ZFPM2: variants seen among roughly 807,000 people sequenced by gnomAD.
ZFPM2 encodes zinc finger protein, FOG family member 2.
ZFPM2 carries 20 observed loss-of-function variants against 98.6 expected under a neutral mutation model. The ratio of observed to expected loss-of-function variants is 0.20; its 90% CI spans 0.14 to 0.29. The LOEUF (loss-of-function observed/expected upper bound fraction) is 0.29, where lower values mean the gene tolerates loss of function less well. Ranked by LOEUF, ZFPM2 falls within the 10% of genes least tolerant of loss-of-function variation. ZFPM2 has a pLI of 1.00. For missense variants in ZFPM2, 1,310 were observed against 1,388.6 expected (o/e 0.94, Z 0.90); for synonymous variants, 518 against 502.7 (o/e 1.03, Z -0.41).
chr8:105,612,545 A>G (rs1413529093), intron 4 of ZFPM2, among the ~76,000 whole-genome samples: 1 of 152,204 alleles, frequency 6.6e-6, no homozygotes, highest in Non-Finnish European at 1.5e-5. Flanking sequence ...ATCATTTCAC[A>G]CAAATTTTTT....
At chr8:105,326,887 C>A (rs1396775455) in intron 1 of ZFPM2, among the ~76,000 whole-genome samples, 2 of 150,572 alleles carry the variant, frequency 1.3e-5, no homozygotes, top group East Asian at 3.9e-4. Flanking sequence ...TAGACTATCA[C>A]AAAATATATA....
At chr8:105,320,210 G>C (rs1177797155) in intron 1 of ZFPM2, among the ~76,000 whole-genome samples, 1 of 151,648 alleles carries the variant, frequency 6.6e-6, no homozygotes, top group Admixed American at 6.6e-5. Context: ...TCCTTGAAAT[G>C]GGGGCCAGGT....
chr8:105,681,016 C>T (rs867772664), intron 5 of ZFPM2, among the ~76,000 whole-genome samples: 1 of 152,066 alleles, frequency 6.6e-6, no homozygotes. Context: ...GTAAGAAAAC[C>T]ACTAAAAGTG....
At chr8:105,682,016 ATGAC>A (rs1177750553) in intron 5 of ZFPM2, among the ~76,000 whole-genome samples, 1 of 152,206 alleles carries the variant, frequency 6.6e-6, no homozygotes, top group East Asian at 1.9e-4. Flanking sequence ...AATTAAATAA[ATGAC>A]TAAGTGAATA....
intron 5 of ZFPM2, among the ~76,000 whole-genome samples, chr8:105,687,843 T>C (rs571568343): frequency 6.6e-4 from 100 of 151,442 alleles, no homozygotes; most frequent in South Asian, 5.6e-3. Flanking sequence ...ATTAGGAACA[T>C]AAAAAGAACA....
intron 3 of ZFPM2, among the ~76,000 whole-genome samples, chr8:105,448,103 C>G (rs1054480719): frequency 6.6e-6 from 1 of 152,012 alleles, no homozygotes; most frequent in Non-Finnish European, 1.5e-5. Flanking sequence ...GAGTGAAAAG[C>G]TAGACACACT....
intron 3 of ZFPM2, among the ~76,000 whole-genome samples, chr8:105,558,702 A>G (rs1485935083): frequency 1.3e-5 from 2 of 152,158 alleles, no homozygotes; most frequent in Non-Finnish European, 2.9e-5. Context: ...GAGAGGATGA[A>G]TTACTTTTTT....
At chr8:105,401,799 A>G (rs1811346812) in intron 1 of ZFPM2, among the ~76,000 whole-genome samples, 1 of 152,160 alleles carries the variant, frequency 6.6e-6, no homozygotes, top group Non-Finnish European at 1.5e-5. Flanking sequence ...TTAAAATTAT[A>G]TTTAATTTCC....
intron 3 of ZFPM2, among the ~76,000 whole-genome samples, chr8:105,450,337 G>C (rs770353689): frequency 6.6e-6 from 1 of 152,074 alleles, no homozygotes; most frequent in Non-Finnish European, 1.5e-5. Context: ...GAAGATTACA[G>C]TTCTGATTTC....
rs371623195 is a variant in ZFPM2 at position 105,484,438 on chromosome 8, T to C, written c.301+40057T>C. Among the ~76,000 whole-genome samples the C allele has an allele frequency of 5.0e-3, 762 of 152,270 alleles. 3 individuals carry two copies. The highest frequency in any genetic ancestry group is 0.018 in the South Asian group (87 of 4,822). The stretch of plus-strand genomic sequence containing the variant: ...TTTTCTAATTGGACTTCAGTTTTAA[T>C]AGTGATTTGTTATACCCTTATGGAT... On this transcript the variant is annotated intron_variant, in intron 3 of 7. Coordinates refer to ENST00000407775, the MANE Select transcript of ZFPM2 (RefSeq NM_012082.4).
At chr8:105,396,183 G>A (rs529700579) in intron 1 of ZFPM2, among the ~76,000 whole-genome samples, 11 of 152,270 alleles carry the variant, frequency 7.2e-5, no homozygotes, top group African/African-American at 2.6e-4. Flanking sequence ...AAACAAAGAA[G>A]GAACAAAAGA....
chr8:105,754,317 A>G (rs1812546295), intron 5 of ZFPM2, among the ~76,000 whole-genome samples: 1 of 152,192 alleles, frequency 6.6e-6, no homozygotes, highest in Non-Finnish European at 1.5e-5. Flanking sequence ...ATATTCAACT[A>G]TAAGTCTATA....
chr8:105,346,909 A>G (rs1432869383), intron 1 of ZFPM2, among the ~76,000 whole-genome samples: 5 of 152,150 alleles, frequency 3.3e-5, no homozygotes, highest in Non-Finnish European at 7.3e-5. Context: ...CACTCAGTAA[A>G]TGCTAGTCAG....
intron 5 of ZFPM2, among the ~76,000 whole-genome samples, chr8:105,700,073 C>T (rs1296192483): frequency 6.6e-6 from 1 of 152,042 alleles, no homozygotes. Context: ...ATCATTTTAA[C>T]CTTGGAATAC....
At chr8:105,466,175 C>A (rs1812792824) in intron 3 of ZFPM2, among the ~76,000 whole-genome samples, 1 of 151,792 alleles carries the variant, frequency 6.6e-6, no homozygotes, top group Non-Finnish European at 1.5e-5. Flanking sequence ...TTTCCTTTGC[C>A]AAACTAATTT....
intron 5 of ZFPM2, among the ~76,000 whole-genome samples, chr8:105,684,724 C>G (rs1426151618): frequency 1.3e-5 from 2 of 152,032 alleles, no homozygotes; most frequent in Non-Finnish European, 2.9e-5. Flanking sequence ...TACTTACTAA[C>G]TCTTCTCAAC....
intron 1 of ZFPM2, among the ~76,000 whole-genome samples, chr8:105,371,241 C>T (rs192936428): frequency 3.2e-4 from 49 of 152,036 alleles, no homozygotes; most frequent in African/African-American, 1.1e-3. Flanking sequence ...AATTGTATAA[C>T]GAGGAGAAAA....
chr8:105,473,189 AGATCATAGGCCTGAAC>A (rs1812942784), intron 3 of ZFPM2, among the ~76,000 whole-genome samples: 1 of 152,100 alleles, frequency 6.6e-6, no homozygotes, highest in African/African-American at 2.4e-5. Flanking sequence ...GCATAGACTG[AGATCATAGGCCTGAAC>A]CACTGTGCCT....
At chr8:105,592,826 A>G (rs1399787751) in intron 4 of ZFPM2, among the ~76,000 whole-genome samples, 1 of 152,146 alleles carries the variant, frequency 6.6e-6, no homozygotes, top group Non-Finnish European at 1.5e-5. Flanking sequence ...CTCTTAGGCA[A>G]GCAGTTTAAA....
Sources: allele counts gnomAD v4.1 joint callset (sites outside exome capture counted in the v4.1 genomes callset), GRCh38; gene constraint gnomAD v4.1.1; transcripts MANE v1.5; gene names NCBI Gene and HGNC (gene_info 2026-07-23, HGNC 2026-07-21).